NUP98: variants seen among roughly 807,000 people sequenced by gnomAD.
NUP98 encodes nucleoporin 98 and 96 precursor.
A neutral mutation model predicts 191.9 loss-of-function variants in NUP98; 26 were observed. The ratio of observed to expected loss-of-function variants is 0.14; its 90% CI spans 0.10 to 0.19. The LOEUF (loss-of-function observed/expected upper bound fraction) is 0.19. Among genes scored for constraint, NUP98 ranks in the 10% least tolerant of loss-of-function variants. The pLI is 1.00. For missense variants in NUP98, 1,941 were observed against 2,178.8 expected (o/e 0.89, Z 2.17); for synonymous variants, 808 against 778.4 (o/e 1.04, Z -0.63).
At chr11:3,705,159 C>T (rs1564824507) in intron 22 of NUP98, 41 bp downstream of exon 22, 1 of 1,599,978 alleles carries the variant, frequency 6.3e-7, no homozygotes, top group African/African-American at 1.3e-5. Flanking sequence ...GACTTGATGA[C>T]TGTACAGCTT....
intron 6 of NUP98, 150 bp downstream of exon 6, chr11:3,773,482 G>A (rs968867466): frequency 2.1e-6 from 1 of 470,430 alleles, no homozygotes; most frequent in African/African-American, 2.0e-5. Context: ...AATAATACTT[G>A]ATTTTTAAAA....
At chr11:3,757,485 C>A (rs538321230) in intron 10 of NUP98, among the ~76,000 whole-genome samples, 1 of 150,720 alleles carries the variant, frequency 6.6e-6, no homozygotes, top group South Asian at 2.1e-4. Flanking sequence ...CCTGTCTCCC[C>A]AAAAAACAAA....
Position 3,699,204 on chromosome 11 carries a change from G to T in NUP98, c.3887C>A (p.Thr1296Asn). 6.2e-7 allele frequency: 1 copy of T among 1,614,206 alleles called. No individual in the cohort carries two copies. The highest frequency in any genetic ancestry group is 8.5e-7 in the Non-Finnish European group (1 of 1,180,042). ...TTCCTCTTCAATCTGAGGTGTGGCA[G>T]TACAGGATAGCCAGCGGGAGAAAGC... ...RRAFSRWLSC[T>N]ATPQIEEEVS... The change falls in exon 25 of 33, where the codon ACT becomes AAT. Residue 1296 changes from threonine (T) to asparagine (N), a missense_variant. Coordinates refer to ENST00000324932, the MANE Select transcript of NUP98 (RefSeq NM_016320.5).
At chr11:3,780,504 C>G (rs1254379689) in intron 2 of NUP98, among the ~76,000 whole-genome samples, 1 of 140,980 alleles carries the variant, frequency 7.1e-6, no homozygotes, top group African/African-American at 2.6e-5. Flanking sequence ...ATCGCACCAC[C>G]GCACTCCATC....
At chr11:3,731,941 T>G (rs1168880205) in intron 13 of NUP98, among the ~76,000 whole-genome samples, 1 of 152,242 alleles carries the variant, frequency 6.6e-6, no homozygotes, top group African/African-American at 2.4e-5. Context: ...TTTTGGATTT[T>G]CAATTTTTGG....
intron 9 of NUP98, 49 bp from the exon 10 acceptor site, chr11:3,760,675 A>G: frequency 3.3e-6 from 5 of 1,513,778 alleles, no homozygotes; most frequent in African/African-American, 1.4e-5. Flanking sequence ...TAAGACACAC[A>G]CCAAACTAAA....
At chr11:3,695,394 A>G (rs2078468118) in intron 26 of NUP98, 55 bp downstream of exon 26, 1 of 1,413,374 alleles carries the variant, frequency 7.1e-7, no homozygotes, top group African/African-American at 1.5e-5. Context: ...ACCTCAAACC[A>G]GCTTCAATTT....
At chr11:3,744,906 A>G (rs1005907915) in intron 11 of NUP98, among the ~76,000 whole-genome samples, 7 of 152,346 alleles carry the variant, frequency 4.6e-5, no homozygotes, top group Admixed American at 2.0e-4. Context: ...TAGCTTAGAT[A>G]GTAATCCTAA....
intron 14 of NUP98, among the ~76,000 whole-genome samples, chr11:3,726,525 T>TAA (rs781738636): frequency 1.6e-5 from 2 of 127,486 alleles, no homozygotes; most frequent in Non-Finnish European, 3.4e-5. Flanking sequence ...CCACTGACAT[T>TAA]AAAAAAAAAA....
At chr11:3,723,053 C>T (rs2079463128) in intron 16 of NUP98, 104 bp downstream of exon 16, 3 of 1,082,078 alleles carry the variant, frequency 2.8e-6, no homozygotes, top group African/African-American at 1.6e-5. Context: ...TAAAATAATA[C>T]TTAAAATGCC....
At chr11:3,727,184 C>A (rs1050582710) in intron 14 of NUP98, among the ~76,000 whole-genome samples, 1 of 152,052 alleles carries the variant, frequency 6.6e-6, no homozygotes, top group Non-Finnish European at 1.5e-5. Flanking sequence ...AAGAAAAAAA[C>A]GTTAGCTGAA....
At chr11:3,769,958 G>A (rs190569620) in intron 7 of NUP98, among the ~76,000 whole-genome samples, 30 of 150,924 alleles carry the variant, frequency 2.0e-4, no homozygotes, top group African/African-American at 6.6e-4. Context: ...GCAGAGAATC[G>A]CTTGAACCCA....
Position 3,768,677 on chromosome 11 carries a change from G to C in NUP98, c.852C>G (p.Leu284=), listed in dbSNP as rs145859584. Residue 284 remains leucine, a synonymous_variant, in exon 8 of 33, where the codon CTC becomes CTG. Transcript: ENST00000324932. ...TAGCCTGGCCAAATGGTTTGCTGAA[G>C]AGGCTGGTAGTCTGCTGATTCTGTT... ...FGQQNQQTTS[L]FSKPFGQATT... is the part of the protein sequence containing the mutation. 4.9e-4 allele frequency: 783 copies of C among 1,610,070 alleles called. 4 individuals are homozygous for C. In the African/African-American group the frequency reaches 9.5e-3, roughly 20 times the overall value.
chr11:3,777,995 G>A (rs1447386791), intron 4 of NUP98, among the ~76,000 whole-genome samples: 2 of 151,808 alleles, frequency 1.3e-5, no homozygotes, highest in Non-Finnish European at 2.9e-5. Context: ...TCAGGAGATC[G>A]AGACCATCCT....
At position 3,720,744 on chromosome 11, in the gene NUP98, C is replaced by A; in HGVS notation, c.2228G>T (p.Cys743Phe). 6.3e-7 allele frequency: 1 copy of A among 1,595,956 alleles called. No individual in the cohort carries two copies. Among genetic ancestry groups the A allele is most frequent in the African/African-American group, 1.4e-5 (1 of 73,522 alleles). The part of the protein sequence containing the change: ...LAKITNEKGE[C>F]IVSDFTIGRK... ...ACCAATAGTGAAATCAGAGACAATG[C>A]ACTCTCCTTTTTCATTGGTAATTTT... The change falls in exon 17 of 33, where the codon TGC (cysteine) becomes TTC (phenylalanine). Residue 743 changes from cysteine (C) to phenylalanine (F), a missense_variant. Transcript: ENST00000324932.
chr11:3,768,411 A>G (rs1420787002), intron 8 of NUP98, among the ~76,000 whole-genome samples, 170 bp downstream of exon 8: 2 of 142,162 alleles, frequency 1.4e-5, no homozygotes, highest in Non-Finnish European at 3.0e-5. Flanking sequence ...ACAGAGCGAG[A>G]CTCCATCTCA....
intron 10 of NUP98, among the ~76,000 whole-genome samples, chr11:3,757,565 G>A (rs995484645): frequency 1.1e-4 from 16 of 151,552 alleles, no homozygotes; most frequent in African/African-American, 3.2e-4. Context: ...TTGGGAGACC[G>A]AGGCTGGCAG....
rs140696107 is a variant in NUP98, at chr11:3,727,570, G to T, written c.1731-2351C>A. 1.6e-3 allele frequency among the ~76,000 whole-genome samples: 237 copies of T among 152,242 alleles called. 1 individual carries two copies. The highest frequency in any genetic ancestry group is 5.3e-3 in the African/African-American group (220 of 41,548). ...GCAACTGGGGTTGGGGGTAGAAAGA[G>T]AGAGTAAATAAAGGTGGCATGGTGG... On this transcript the variant is annotated intron_variant, in intron 14 of 32. Coordinates refer to ENST00000324932, the MANE Select transcript of NUP98 (RefSeq NM_016320.5).
intron 8 of NUP98, among the ~76,000 whole-genome samples, chr11:3,763,742 T>A (rs1456124787): frequency 6.6e-6 from 1 of 151,854 alleles, no homozygotes; most frequent in African/African-American, 2.4e-5. Context: ...AGAGATGGGG[T>A]TTCACAATGT....
Sources: gnomAD v4.1 joint callset for allele counts (sites outside exome capture counted in the v4.1 genomes callset) on GRCh38, gnomAD v4.1.1 for gene constraint, MANE v1.5 for transcripts, NCBI Gene and HGNC (gene_info 2026-07-23, HGNC 2026-07-21) for gene names.